AOPEP: variants seen among roughly 807,000 people sequenced by gnomAD.
AOPEP encodes aminopeptidase O (putative).
A neutral mutation model predicts 98.1 loss-of-function variants in AOPEP; 77 were observed. The ratio of observed to expected loss-of-function variants is 0.78; its 90% CI spans 0.65 to 0.95. AOPEP has a LOEUF of 0.95. Ranked by LOEUF, AOPEP falls within the 40% of genes least tolerant of loss-of-function variation. The pLI, the probability that AOPEP is intolerant of heterozygous loss-of-function variation, is 0.00. For synonymous variants in AOPEP, 346 were observed against 365.3 expected, an observed-to-expected ratio of 0.95 and a Z score of 0.60; for missense variants, 1,024 against 1,024.7, an observed-to-expected ratio of 1.00 and a Z score of 0.01.
At chr9:95,071,663 C>A (rs567433747) in intron 14 of AOPEP, among the ~76,000 whole-genome samples, 1 of 152,062 alleles carries the variant, frequency 6.6e-6, no homozygotes, top group South Asian at 2.1e-4. Flanking sequence ...GCTCTTGGAA[C>A]CAAGTTGGGT....
chr9:94,814,637 G>A (rs559967216), intron 5 of AOPEP, among the ~76,000 whole-genome samples: 65 of 152,196 alleles, frequency 4.3e-4, no homozygotes, highest in Non-Finnish European at 8.2e-4. Context: ...TACTGTCCAG[G>A]TGTGCTGCTG....
chr9:95,130,481 T>C, the AOPEP span, among the ~76,000 whole-genome samples: 1 of 152,238 alleles, frequency 6.6e-6, no homozygotes. Flanking sequence ...TCACCTTTCA[T>C]AGATATATTC....
the AOPEP span, among the ~76,000 whole-genome samples, chr9:95,119,832 C>T: frequency 6.6e-6 from 1 of 152,166 alleles, no homozygotes; most frequent in Non-Finnish European, 1.5e-5. Context: ...CCACCTCAGC[C>T]TCCCGAGTAG....
chr9:95,098,322 CCTGGACTAGCTCCCATTT>C, the AOPEP span, among the ~76,000 whole-genome samples: 143 of 152,236 alleles, frequency 9.4e-4, no homozygotes, highest in Middle Eastern at 3.4e-3. Context: ...CCTCCCATCC[CCTGGACTAGCTCCCATTT>C]CTGTCCTAGC....
rs542636031 is a variant in AOPEP, at chr9:94,776,724, C to T, written c.964+3556C>T. Reference sequence around the variant, plus strand: ...ATGGGTATTTACTCCATTATCCTTCCGCACCCATATTCTCCAGTTTTACTT... The same window carrying T: ...ATGGGTATTTACTCCATTATCCTTCTGCACCCATATTCTCCAGTTTTACTT... On this transcript the variant is annotated intron_variant, in intron 3 of 16. Transcript: ENST00000375315. Among the ~76,000 whole-genome samples, 10 of 152,282 alleles carry T rather than the reference C, an allele frequency of 6.6e-5. No individual in the cohort carries two copies. The South Asian group carries it at 1.7e-3, about 25-fold the overall frequency.
chr9:94,857,288 C>A (rs542920657), intron 5 of AOPEP, among the ~76,000 whole-genome samples: 9 of 152,304 alleles, frequency 5.9e-5, no homozygotes, highest in Non-Finnish European at 1.0e-4. Context: ...TTATGATCGT[C>A]ATTTCTTCAA....
intron 14 of AOPEP, among the ~76,000 whole-genome samples, chr9:95,066,031 G>A (rs993383672): frequency 1.3e-5 from 2 of 152,208 alleles, no homozygotes; most frequent in Non-Finnish European, 2.9e-5. Flanking sequence ...ATTGAAAAAA[G>A]GGATTGGGGT....
rs932515077 is a variant in AOPEP, at chr9:94,972,508, GT to G, written c.1916+4710del. On this transcript the variant is annotated intron_variant, in intron 10 of 16. Transcript: ENST00000375315. The surrounding 1 kb of genome is among the most constrained non-coding windows in gnomAD (Gnocchi z 4.2). ...TCTTTCCTTGCCCATCAGTTACTGTGTTTGTGTGTGCATGTTCCTGTGTTTG... is the reference window on the plus strand; with the variant it reads ...TCTTTCCTTGCCCATCAGTTACTGTGTTGTGTGTGCATGTTCCTGTGTTTG... Among the ~76,000 whole-genome samples, 4 of 152,194 alleles carry G rather than the reference GT, an allele frequency of 2.6e-5. No individual in the cohort carries two copies. Among genetic ancestry groups the G allele is most frequent in the African/African-American group, 4.8e-5 (2 of 41,450 alleles).
chr9:95,035,889 G>A (rs1024792056), intron 13 of AOPEP, among the ~76,000 whole-genome samples: 1 of 151,816 alleles, frequency 6.6e-6, no homozygotes, highest in African/African-American at 2.4e-5. Flanking sequence ...AGCAGGCACC[G>A]GCCCCCAATC....
chr9:94,895,219 T>TAATAAAAAAAAAA (rs1204411552), intron 5 of AOPEP, among the ~76,000 whole-genome samples: 3 of 60,684 alleles, frequency 4.9e-5, no homozygotes, highest in East Asian at 9.6e-4. Context: ...TCATCTCTAC[T>TAATAAAAAAAAAA]AAAAAAAAAT....
At chr9:94,785,164 A>G (rs1226643238) in intron 3 of AOPEP, among the ~76,000 whole-genome samples, 3 of 151,792 alleles carry the variant, frequency 2.0e-5, no homozygotes, top group Middle Eastern at 3.2e-3. Context: ...CAAACTCCCG[A>G]TCTCAGGTGA....
intron 1 of AOPEP, among the ~76,000 whole-genome samples, chr9:94,729,105 G>A (rs1340903366): frequency 2.0e-5 from 3 of 152,254 alleles, no homozygotes; most frequent in Non-Finnish European, 4.4e-5. Context: ...TCTTGTGATC[G>A]TGATATTTAT....
At chr9:95,066,205 G>T (rs144878540) in intron 14 of AOPEP, among the ~76,000 whole-genome samples, 34 of 152,314 alleles carry the variant, frequency 2.2e-4, no homozygotes, top group African/African-American at 7.7e-4. Context: ...AGTCAGGACG[G>T]TCTGTCTCTC....
chr9:95,024,789 A>G (rs1402912297), intron 13 of AOPEP, among the ~76,000 whole-genome samples: 6 of 152,238 alleles, frequency 3.9e-5, no homozygotes, highest in African/African-American at 1.4e-4. Flanking sequence ...ACTCTTCCAC[A>G]GCATTTCACT....
In AOPEP at chr9:94,914,523, CGTGTGTGTGTGTGT is replaced by C. The variant is rs67826706; in HGVS notation, c.1365-9438_1365-9425del. Among the ~76,000 whole-genome samples, 71 of 143,704 alleles carry C rather than the reference CGTGTGTGTGTGTGT, an allele frequency of 4.9e-4. 1 individual carries two copies. The highest frequency in any genetic ancestry group is 3.5e-3 in the Middle Eastern group (1 of 286). 94.3% of individuals were successfully genotyped at this position (143,704 alleles called of 152,430 possible). A position where few individuals can be genotyped will look rare whatever the true frequency, so the allele number is the denominator to read the frequency against. On this transcript the variant is annotated intron_variant, in intron 5 of 16. Coordinates refer to ENST00000375315, the MANE Select transcript of AOPEP (RefSeq NM_001193329.3). ...TAAAATATTGCCCTTTGGCATTAGA[CGTGTGTGTGTGTGT>C]GTGTGTGTGTGTGTGTGTGTGTGTA...
chr9:94,916,735 TAAAG>T (rs948951437), intron 5 of AOPEP, among the ~76,000 whole-genome samples: 14 of 150,848 alleles, frequency 9.3e-5, no homozygotes, highest in Admixed American at 4.6e-4. Context: ...AATAAATAAA[TAAAG>T]ACATGTTCAG....
At chr9:94,954,502 T>C (rs2058323948) in intron 7 of AOPEP, among the ~76,000 whole-genome samples, 1 of 152,202 alleles carries the variant, frequency 6.6e-6, no homozygotes, top group Non-Finnish European at 1.5e-5. Context: ...TTTAAGAAGT[T>C]TATGAATTTG....
intron 13 of AOPEP, among the ~76,000 whole-genome samples, chr9:95,022,541 G>A (rs147218322): frequency 1.7e-4 from 26 of 152,100 alleles, no homozygotes; most frequent in Non-Finnish European, 2.9e-4. Flanking sequence ...GGGTTTCACC[G>A]TGTTAGCCAG....
In AOPEP at chr9:95,086,751, G is replaced by T; in HGVS notation, c.*74G>T. ...GGGGACCAGGCTCGAACTGACCCTGGACATCAAAGGAGGGATTATGTGGCT... is the reference window on the plus strand; with the variant it reads ...GGGGACCAGGCTCGAACTGACCCTGTACATCAAAGGAGGGATTATGTGGCT... On this transcript the variant is annotated 3_prime_UTR_variant, in exon 17 of 17. Coordinates refer to ENST00000375315, the MANE Select transcript of AOPEP (RefSeq NM_001193329.3). 1.0e-6 allele frequency: 1 copy of T among 988,048 alleles called. No homozygotes were observed. The highest frequency in any genetic ancestry group is 1.2e-6 in the Non-Finnish European group (1 of 830,206). 61.2% of individuals were successfully genotyped at this position (988,048 alleles called of 1,614,324 possible). A position where few individuals can be genotyped will look rare whatever the true frequency, so the allele number is the denominator to read the frequency against.
Sources: allele counts gnomAD v4.1 joint callset (sites outside exome capture counted in the v4.1 genomes callset), GRCh38; gene constraint gnomAD v4.1.1; non-coding constraint Gnocchi (gnomAD v3.1); transcripts MANE v1.5; gene names NCBI Gene and HGNC (gene_info 2026-07-23, HGNC 2026-07-21).